Variants in FMN1 observed in about 807,000 individuals in gnomAD.
FMN1 encodes the protein formin-1.
A neutral mutation model predicts 132.4 loss-of-function variants in FMN1; 110 were observed. The observed-to-expected ratio is 0.83, with a 90% CI of 0.71 to 0.97. FMN1 has a LOEUF of 0.97. Ranked by LOEUF, FMN1 falls within the 50% of genes least tolerant of loss-of-function variation. The probability of loss-of-function intolerance (pLI) is 0.00; values close to 1 mark genes in which losing one functional copy is unlikely to be tolerated. For synonymous variants in FMN1, 722 were observed against 651.7 expected, an observed-to-expected ratio of 1.11 and a Z score of -1.64; for missense variants, 1,792 against 1,705.3, an observed-to-expected ratio of 1.05 and a Z score of -0.90.
chr15:33,073,173 T>C (rs1019633919), intron 5 of FMN1, among the ~76,000 whole-genome samples: 1 of 152,170 alleles, frequency 6.6e-6, no homozygotes, highest in Non-Finnish European at 1.5e-5. Flanking sequence ...GTTTGGATAA[T>C]TCACCCCCAC....
intron 9 of FMN1, among the ~76,000 whole-genome samples, chr15:32,955,630 A>C (rs2140525881): frequency 6.6e-6 from 1 of 152,298 alleles, no homozygotes; most frequent in East Asian, 1.9e-4. Flanking sequence ...AGACTTCAAA[A>C]CTTCCCTCAA....
intron 17 of FMN1, among the ~76,000 whole-genome samples, chr15:32,830,902 C>G (rs966230300): frequency 1.4e-4 from 21 of 152,088 alleles, no homozygotes; most frequent in Admixed American, 1.4e-3. Context: ...CCTTTCAGAT[C>G]GGGAGGGCAG....
In FMN1 at chr15:32,964,172, C is replaced by G; in HGVS notation, c.3073G>C (p.Asp1025His). ...GGTTTTTTCTTCTGTTGAGTTGTGT[C>G]TTTGGAGAATAAATACTCAAATTCA... is the stretch of plus-strand genomic sequence containing the variant. ...PSEFEYLFSK[D>H]TTQQKKKPLS... Residue 1025 changes from aspartate to histidine, a missense_variant, in exon 9 of 21, where the codon GAC (aspartate) becomes CAC (histidine). This residue lies in a region of FMN1 where 1,150 missense variants were observed against 1,043.1 expected (regional missense o/e 1.10). Coordinates refer to ENST00000616417, the MANE Select transcript of FMN1 (RefSeq NM_001277313.2). 1 of 1,613,182 alleles carries G rather than the reference C, an allele frequency of 6.2e-7. No homozygotes were observed. Among genetic ancestry groups the G allele is most frequent in the African/African-American group, 1.3e-5 (1 of 74,980 alleles).
intron 17 of FMN1, among the ~76,000 whole-genome samples, chr15:32,812,993 GA>G (rs11290245): frequency 0.59 from 90,009 of 151,912 alleles, 28,820 homozygotes; most frequent in Non-Finnish European, 0.72. Context: ...AACATTTGGG[GA>G]AAAAATGGAT....
intron 17 of FMN1, among the ~76,000 whole-genome samples, chr15:32,840,418 T>C (rs10519754): frequency 0.041 from 6,221 of 152,292 alleles, 424 homozygotes; most frequent in African/African-American, 0.13. Context: ...TACTAGAAGA[T>C]TGTAATCACC....
chr15:33,009,680 G>A (rs1026380389), intron 6 of FMN1, among the ~76,000 whole-genome samples: 8 of 152,134 alleles, frequency 5.3e-5, no homozygotes, highest in African/African-American at 1.9e-4. Context: ...ACCCTATGAT[G>A]TAGGTACCAT....
chr15:33,155,140 C>T (rs1964621465), intron 3 of FMN1, 95 bp from the exon 4 acceptor site: 2 of 457,504 alleles, frequency 4.4e-6, no homozygotes, highest in Non-Finnish European at 7.8e-6. Flanking sequence ...ACTTATCCTT[C>T]CTCTGTGGCT....
intron 4 of FMN1, among the ~76,000 whole-genome samples, chr15:33,125,849 AAATCTC>A (rs1963010087): frequency 6.6e-6 from 1 of 152,220 alleles, no homozygotes; most frequent in Admixed American, 6.5e-5. Context: ...CAGTAATACT[AAATCTC>A]TAAATGTTTA....
chr15:32,979,432 T>C (rs2032464879), intron 7 of FMN1, among the ~76,000 whole-genome samples: 1 of 151,768 alleles, frequency 6.6e-6, no homozygotes. Context: ...GGTGGGTGCC[T>C]GTAGTCCCAG....
chr15:32,780,293 CT>C (rs199888348), intron 19 of FMN1, among the ~76,000 whole-genome samples: 1,826 of 152,250 alleles, frequency 0.012, 33 homozygotes, highest in African/African-American at 0.041. Flanking sequence ...TCATAAAGAC[CT>C]TGCTGATAAA....
At chr15:32,889,966 C>T (rs1322626006) in intron 15 of FMN1, among the ~76,000 whole-genome samples, 1 of 152,212 alleles carries the variant, frequency 6.6e-6, no homozygotes, top group Non-Finnish European at 1.5e-5. Flanking sequence ...TTGTATCATT[C>T]CTATGCCTTT....
chr15:33,106,055 T>C (rs1390708732), intron 4 of FMN1: 1 of 152,010 alleles, frequency 6.6e-6, no homozygotes, highest in African/African-American at 2.4e-5. Flanking sequence ...TCCCAGTACA[T>C]AAGGGGAGGC....
Position 32,770,069 on chromosome 15 carries a change from T to C in FMN1, c.*4241A>G, listed in dbSNP as rs1410334325. ...TGGGAGGGGGGAAGGCTATATATTT[T>C]TGGACTTCTTCCTTTTTGTCATATA... is the stretch of plus-strand genomic sequence containing the variant. On this transcript the variant is annotated 3_prime_UTR_variant, in exon 21 of 21. Transcript: ENST00000616417. 1 of 152,210 alleles carries C rather than the reference T, an allele frequency of 6.6e-6. No homozygotes were observed. Among genetic ancestry groups the C allele is most frequent in the African/African-American group, 2.4e-5 (1 of 41,460 alleles). The allele number at this position is 152,210 out of a possible 1,614,324, so 9.4% of individuals were successfully genotyped here.
intron 9 of FMN1, among the ~76,000 whole-genome samples, chr15:32,928,813 G>A (rs1034461843): frequency 2.0e-5 from 3 of 152,096 alleles, no homozygotes; most frequent in Admixed American, 6.6e-5. Context: ...ATCCAGTTAG[G>A]GCTCTGAAAA....
At chr15:33,107,200 C>T (rs1274148924) in intron 4 of FMN1, among the ~76,000 whole-genome samples, 1 of 151,996 alleles carries the variant, frequency 6.6e-6, no homozygotes, top group African/African-American at 2.4e-5. Flanking sequence ...GCTCTACCAC[C>T]AAACAGTATC....
rs573070345 is a variant in FMN1 at position 32,767,978 on chromosome 15, G to T, written c.*6332C>A. On this transcript the variant is annotated 3_prime_UTR_variant, in exon 21 of 21. Transcript: ENST00000616417. ...ATGAAGAAATAAGATTTTATCTAGA[G>T]ACAAGTTAGCATGAAGCGAGGAAAA... The T allele has an allele frequency of 3.3e-5, 5 of 152,230 alleles. No homozygotes were observed. In the South Asian group the frequency reaches 1.0e-3, roughly 32 times the overall value. 9.4% of individuals were successfully genotyped at this position (152,230 alleles called of 1,614,324 possible).
chr15:33,048,631 C>CAAAAAAAA (rs768997793), intron 6 of FMN1, among the ~76,000 whole-genome samples: 4 of 43,438 alleles, frequency 9.2e-5, no homozygotes, highest in East Asian at 6.5e-4. Context: ...GGCAATTTAC[C>CAAAAAAAA]AAAAAAAAAA....
intron 17 of FMN1, among the ~76,000 whole-genome samples, chr15:32,855,253 C>G (rs1016086389): frequency 6.6e-6 from 1 of 151,408 alleles, no homozygotes; most frequent in Non-Finnish European, 1.5e-5. Context: ...GAGTTGGGCC[C>G]GGGTATCAAG....
At chr15:33,113,309 A>T (rs968363287) in intron 4 of FMN1, among the ~76,000 whole-genome samples, 1 of 152,198 alleles carries the variant, frequency 6.6e-6, no homozygotes, top group Non-Finnish European at 1.5e-5. Context: ...GTTGCCATGT[A>T]TTTGTAACGT....
Sources: gnomAD v4.1 joint callset for allele counts (sites outside exome capture counted in the v4.1 genomes callset) on GRCh38, gnomAD v4.1.1 for gene constraint, gnomAD v4.1.1 regional missense constraint, MANE v1.5 for transcripts, NCBI Gene and HGNC (gene_info 2026-07-23, HGNC 2026-07-21) for gene names.